The following ZNF804A variants were observed in gnomAD, a reference collection of about 807,000 sequenced individuals.
ZNF804A encodes the protein zinc finger protein 804A.
Under a neutral mutation model 16.5 loss-of-function variants are expected in ZNF804A, and 2 were observed. The observed-to-expected ratio is 0.12, with a 90% confidence interval of 0.05 to 0.38. The LOEUF is 0.38. Ranked by LOEUF, ZNF804A falls within the 10% of genes least tolerant of loss-of-function variation. The probability of loss-of-function intolerance (pLI) is 0.99; values close to 1 mark genes in which losing one functional copy is unlikely to be tolerated. For missense variants in ZNF804A, 1,473 were observed against 1,390.7 expected (o/e 1.06, Z -0.94); for synonymous variants, 534 against 489.6 (o/e 1.09, Z -1.20).
chr2:184,674,795 TA>T (rs10708796), intron 1 of ZNF804A, among the ~76,000 whole-genome samples: 120,882 of 151,540 alleles, frequency 0.8, 48,939 homozygotes, highest in Non-Finnish European at 0.88. Flanking sequence ...TTTCCAAGTC[TA>T]AAAAAAGTAG....
At chr2:184,892,407 G>T (rs1432512782) in intron 2 of ZNF804A, among the ~76,000 whole-genome samples, 5 of 151,784 alleles carry the variant, frequency 3.3e-5, no homozygotes, top group African/African-American at 9.7e-5. Flanking sequence ...AATGAGAAAG[G>T]GTGAGAAATG....
chr2:184,899,207 A>G (rs886447276), intron 2 of ZNF804A, among the ~76,000 whole-genome samples: 5 of 151,986 alleles, frequency 3.3e-5, no homozygotes, highest in African/African-American at 1.2e-4. Flanking sequence ...AGCCTATTTT[A>G]TATGTATTTA....
At chr2:184,792,332 G>T (rs759423735) in intron 1 of ZNF804A, among the ~76,000 whole-genome samples, 1 of 152,176 alleles carries the variant, frequency 6.6e-6, no homozygotes, top group African/African-American at 2.4e-5. Flanking sequence ...AGAATTTGGT[G>T]TTGTCAATGT....
chr2:184,623,136 C>A (rs752652148), intron 1 of ZNF804A, among the ~76,000 whole-genome samples: 7 of 151,838 alleles, frequency 4.6e-5, no homozygotes, highest in Non-Finnish European at 7.4e-5. Context: ...TCAGCCGTTC[C>A]TTAATTGAAA....
intron 1 of ZNF804A, among the ~76,000 whole-genome samples, chr2:184,758,591 T>A (rs1383011434): frequency 1.3e-5 from 2 of 152,008 alleles, no homozygotes; most frequent in East Asian, 3.9e-4. Context: ...TTATAAGTAA[T>A]TTATTTATCA....
intron 1 of ZNF804A, among the ~76,000 whole-genome samples, chr2:184,759,524 A>G (rs1232007648): frequency 6.6e-6 from 1 of 152,048 alleles, no homozygotes; most frequent in Non-Finnish European, 1.5e-5. Context: ...AAAGAAATAG[A>G]ACATGAATAC....
rs79501250 is a variant in ZNF804A at position 184,622,235 on chromosome 2, C to A, written c.111+23165C>A. ...AAGTATGATATTAATAACTGTAATC[C>A]ATTTTTCATTATTTGCATCTTTATA... On this transcript the variant is annotated intron_variant, in intron 1 of 3. Transcript: ENST00000302277. 9.1e-3 allele frequency among the ~76,000 whole-genome samples: 1,383 copies of A among 151,810 alleles called. 27 individuals are homozygous for A. Among genetic ancestry groups the A allele is most frequent in the African/African-American group, 0.032 (1,318 of 41,500 alleles).
At chr2:184,648,631 G>A (rs1396445009) in intron 1 of ZNF804A, among the ~76,000 whole-genome samples, 4 of 151,922 alleles carry the variant, frequency 2.6e-5, no homozygotes, top group Non-Finnish European at 4.4e-5. Context: ...AAAGAGCAAG[G>A]GTTGCTATTC....
chr2:184,646,855 A>C (rs1388071298), intron 1 of ZNF804A, among the ~76,000 whole-genome samples: 1 of 152,210 alleles, frequency 6.6e-6, no homozygotes, highest in Admixed American at 6.5e-5. Context: ...CTGCCATCAG[A>C]GGACCTGTCG....
At chr2:184,875,358 G>A (rs1461441532) in intron 2 of ZNF804A, among the ~76,000 whole-genome samples, 2 of 152,136 alleles carry the variant, frequency 1.3e-5, no homozygotes, top group Non-Finnish European at 2.9e-5. Context: ...CAATGAGTGA[G>A]TTGTCACTCT....
At position 184,866,626 on chromosome 2, in the gene ZNF804A, G is replaced by A. The variant is rs1164501708; in HGVS notation, c.255+114G>A. The A allele has an allele frequency of 2.5e-5, 22 of 865,208 alleles. No homozygotes were observed. In the East Asian group the frequency reaches 7.5e-4, roughly 30 times the overall value. The allele number at this position is 865,208 out of a possible 1,614,324, so 53.6% of individuals were successfully genotyped here. A position where few individuals can be genotyped will look rare whatever the true frequency, so the allele number is the denominator to read the frequency against. ...CTTATTTAATTTAATTTGCTGTACA[G>A]TTTTGAAATATATCATTCTGGGATG... On this transcript the variant is annotated intron_variant, in intron 2 of 3. Coordinates refer to ENST00000302277, the MANE Select transcript of ZNF804A (RefSeq NM_194250.2).
intron 1 of ZNF804A, among the ~76,000 whole-genome samples, chr2:184,646,382 C>T (rs1691872492): frequency 6.6e-6 from 1 of 152,180 alleles, no homozygotes; most frequent in African/African-American, 2.4e-5. Flanking sequence ...TATGCCATTG[C>T]TATGTGCTCC....
chr2:184,643,254 A>G (rs933115509), intron 1 of ZNF804A, among the ~76,000 whole-genome samples: 2 of 151,988 alleles, frequency 1.3e-5, no homozygotes, highest in Admixed American at 1.3e-4. Context: ...AAAATATAGT[A>G]TAGTGAAAGG....
chr2:184,804,402 T>C (rs1694772339), intron 1 of ZNF804A, among the ~76,000 whole-genome samples: 1 of 152,186 alleles, frequency 6.6e-6, no homozygotes, highest in African/African-American at 2.4e-5. Context: ...TCCGGATGTA[T>C]CTGAAATAAT....
chr2:184,899,338 A>C (rs1259817779), intron 2 of ZNF804A, among the ~76,000 whole-genome samples: 2 of 152,056 alleles, frequency 1.3e-5, no homozygotes, highest in East Asian at 3.9e-4. Context: ...ATAGAAGTGC[A>C]TTTATTGCTC....
rs572508651 is a variant in ZNF804A at position 184,735,197 on chromosome 2, G to T, written c.112-131172G>T. On this transcript the variant is annotated intron_variant, in intron 1 of 3. Transcript: ENST00000302277. ...TAGTTGGATTTCTATCTACCACTTG[G>T]TTTTTTTTCAGTTTATTTTTAAAAA... 7.9e-5 allele frequency among the ~76,000 whole-genome samples: 12 copies of T among 150,948 alleles called. No individual in the cohort carries two copies. The South Asian group carries it at 1.1e-3, about 13-fold the overall frequency.
chr2:184,802,678 G>T (rs1694745607), intron 1 of ZNF804A, among the ~76,000 whole-genome samples: 1 of 152,188 alleles, frequency 6.6e-6, no homozygotes, highest in Non-Finnish European at 1.5e-5. Flanking sequence ...AAGGGAAGCA[G>T]TTGAATTTAG....
intron 1 of ZNF804A, 72 bp from the exon 2 acceptor site, chr2:184,866,297 T>C: frequency 6.8e-7 from 1 of 1,464,752 alleles, no homozygotes; most frequent in Non-Finnish European, 9.4e-7. Context: ...TGTACTATAG[T>C]TGACAACTGC....
At position 184,865,235 on chromosome 2, in the gene ZNF804A, A is replaced by T. The variant is rs918666381; in HGVS notation, c.112-1134A>T. Reference sequence around the variant, plus strand: ...ATAAGATAATCTGGAAGTTAGAAACATATTTTACAGTGAGGTCTGAAGTTT... The same window carrying T: ...ATAAGATAATCTGGAAGTTAGAAACTTATTTTACAGTGAGGTCTGAAGTTT... On this transcript the variant is annotated intron_variant, in intron 1 of 3. Transcript: ENST00000302277. 1.2e-4 allele frequency among the ~76,000 whole-genome samples: 18 copies of T among 151,934 alleles called. 1 individual carries two copies. The highest frequency in any genetic ancestry group is 1.2e-3 in the Admixed American group (18 of 15,260).
Sources: allele counts gnomAD v4.1 joint callset (sites outside exome capture counted in the v4.1 genomes callset), GRCh38; gene constraint gnomAD v4.1.1; transcripts MANE v1.5; gene names NCBI Gene and HGNC (gene_info 2026-07-23, HGNC 2026-07-21).